Variants in ELMO1 observed in about 807,000 individuals in gnomAD.
ELMO1 encodes engulfment and cell motility 1.
ELMO1 carries 26 observed loss-of-function variants against 98.9 expected under a neutral mutation model. The observed-to-expected ratio is 0.26, with a 90% CI of 0.19 to 0.36. The LOEUF is 0.36. Among genes scored for constraint, ELMO1 ranks in the 10% least tolerant of loss-of-function variants. ELMO1 has a pLI of 1.00. For synonymous variants in ELMO1, 346 were observed against 346.0 expected (o/e 1.00, Z 0.00); for missense variants, 627 against 935.2 (o/e 0.67, Z 4.30).
In ELMO1 at chr7:37,127,116, C is replaced by T. The variant is rs148385204; in HGVS notation, c.1191+6014G>A. Among the ~76,000 whole-genome samples the T allele has an allele frequency of 1.6e-3, 238 of 152,308 alleles. 3 individuals carry two copies. Among genetic ancestry groups the T allele is most frequent in the African/African-American group, 5.4e-3 (225 of 41,580 alleles). On this transcript the variant is annotated intron_variant, in intron 14 of 21. Transcript: ENST00000310758. ...GGTTCTGAACATCTGAATACTTCTG[C>T]ATGTTACTTCTCCTATCACTACTCT...
At chr7:37,422,697 T>A (rs1218229463) in intron 1 of ELMO1, among the ~76,000 whole-genome samples, 1 of 152,258 alleles carries the variant, frequency 6.6e-6, no homozygotes, top group East Asian at 1.9e-4. Flanking sequence ...ATTTACTGAT[T>A]GTGTAAACTC....
chr7:37,294,115 A>C (rs917510000), intron 4 of ELMO1, among the ~76,000 whole-genome samples: 3 of 128,264 alleles, frequency 2.3e-5, no homozygotes, highest in African/African-American at 2.5e-5. Flanking sequence ...ATCAATACAA[A>C]TCTGGAACTA....
intron 16 of ELMO1, among the ~76,000 whole-genome samples, chr7:36,917,508 C>G (rs1234261162): frequency 1.3e-5 from 2 of 151,800 alleles, no homozygotes; most frequent in African/African-American, 4.8e-5. Flanking sequence ...AAGGAAAAAT[C>G]CAAATGGGTA....
At chr7:37,395,902 C>T (rs1422414567) in intron 1 of ELMO1, among the ~76,000 whole-genome samples, 1 of 152,120 alleles carries the variant, frequency 6.6e-6, no homozygotes, top group Non-Finnish European at 1.5e-5. Context: ...TTTTGATTAA[C>T]AGTGAGAAAA....
chr7:37,246,568 T>C (rs922278421), intron 6 of ELMO1, among the ~76,000 whole-genome samples: 1 of 152,158 alleles, frequency 6.6e-6, no homozygotes. Context: ...ACATACAATA[T>C]GGGTCTTCAT....
chr7:37,071,165 T>A (rs1039750626), intron 15 of ELMO1, among the ~76,000 whole-genome samples: 2 of 152,152 alleles, frequency 1.3e-5, no homozygotes, highest in African/African-American at 4.8e-5. Context: ...TATCCCTCGA[T>A]GACTCTGACT....
chr7:37,116,519 A>G (rs1347600782), intron 14 of ELMO1, among the ~76,000 whole-genome samples: 1 of 152,196 alleles, frequency 6.6e-6, no homozygotes, highest in African/African-American at 2.4e-5. Context: ...GGGAGTCAGG[A>G]ACATGTGATC....
At chr7:37,244,539 C>G in intron 6 of ELMO1, 148 bp from the exon 7 acceptor site, 1 of 759,516 alleles carries the variant, frequency 1.3e-6, no homozygotes, top group East Asian at 2.5e-5. Context: ...TTCAAGACAT[C>G]ATTCAAAGTA....
intron 15 of ELMO1, among the ~76,000 whole-genome samples, chr7:37,056,628 C>T (rs1308052048): frequency 6.6e-6 from 1 of 152,214 alleles, no homozygotes; most frequent in African/African-American, 2.4e-5. Flanking sequence ...CTGAAAGGCA[C>T]CAAGGGCAGG....
At chr7:37,200,876 A>G (rs1268122728) in intron 13 of ELMO1, among the ~76,000 whole-genome samples, 1 of 151,844 alleles carries the variant, frequency 6.6e-6, no homozygotes, top group African/African-American at 2.4e-5. Flanking sequence ...GCTGGAGCCC[A>G]GGAGGCAGTT....
intron 13 of ELMO1, among the ~76,000 whole-genome samples, chr7:37,144,348 C>A (rs1215682075): frequency 6.6e-6 from 1 of 151,926 alleles, no homozygotes; most frequent in East Asian, 1.9e-4. Flanking sequence ...ATTTTAATAA[C>A]AAGAAAAGGA....
At chr7:37,317,359 T>C (rs552398656) in intron 2 of ELMO1, among the ~76,000 whole-genome samples, 73 of 152,280 alleles carry the variant, frequency 4.8e-4, no homozygotes, top group African/African-American at 1.7e-3. Flanking sequence ...CGCCTACAAC[T>C]ATAAACACAC....
chr7:36,862,335 C>T (rs1044015679), intron 20 of ELMO1, among the ~76,000 whole-genome samples: 1 of 152,238 alleles, frequency 6.6e-6, no homozygotes, highest in Non-Finnish European at 1.5e-5. Context: ...AAAGGCTACA[C>T]AAAGCTTAGG....
chr7:37,272,680 G>GAAAAAAAAAAA (rs35128089), intron 4 of ELMO1, among the ~76,000 whole-genome samples: 1 of 112,700 alleles, frequency 8.9e-6, no homozygotes, highest in Non-Finnish European at 2.0e-5. Context: ...CGTCTTAAAG[G>GAAAAAAAAAAA]AAAAAAAAAA....
intron 2 of ELMO1, among the ~76,000 whole-genome samples, chr7:37,320,311 G>A (rs536445977): frequency 1.7e-4 from 25 of 151,434 alleles, no homozygotes; most frequent in Non-Finnish European, 3.2e-4. Context: ...CAGTCACTTA[G>A]CTTGTCAGCC....
chr7:37,109,813 G>A (rs920991664), intron 14 of ELMO1, among the ~76,000 whole-genome samples: 5 of 152,290 alleles, frequency 3.3e-5, no homozygotes, highest in Non-Finnish European at 7.3e-5. Context: ...ACTCTTGGAC[G>A]CTTTCAGGTG....
intron 1 of ELMO1, among the ~76,000 whole-genome samples, chr7:37,402,678 T>C (rs1243197754): frequency 6.6e-6 from 1 of 152,178 alleles, no homozygotes; most frequent in Non-Finnish European, 1.5e-5. Context: ...AGTAAACAAT[T>C]AATATCCTTA....
In ELMO1 at chr7:37,169,458, G is replaced by C. The variant is rs556424820; in HGVS notation, c.1087-36224C>G. 8.9e-4 allele frequency among the ~76,000 whole-genome samples: 135 copies of C among 152,262 alleles called. 1 individual carries two copies. The highest frequency in any genetic ancestry group is 2.9e-3 in the African/African-American group (122 of 41,550). On this transcript the variant is annotated intron_variant, in intron 13 of 21. Coordinates refer to ENST00000310758, the MANE Select transcript of ELMO1 (RefSeq NM_014800.11). ...CGCTCACGCTGGGAGCTGTAGACCAGAGCTGTTCCTATTCGGCCATCTTGG... is the reference window on the plus strand; with the variant it reads ...CGCTCACGCTGGGAGCTGTAGACCACAGCTGTTCCTATTCGGCCATCTTGG...
At chr7:37,115,050 G>A (rs1295097033) in intron 14 of ELMO1, among the ~76,000 whole-genome samples, 1 of 152,046 alleles carries the variant, frequency 6.6e-6, no homozygotes, top group Non-Finnish European at 1.5e-5. Context: ...ACCCACACAA[G>A]AAGAAATAGA....
Sources: gnomAD v4.1 joint callset for allele counts (sites outside exome capture counted in the v4.1 genomes callset) on GRCh38, gnomAD v4.1.1 for gene constraint, MANE v1.5 for transcripts, NCBI Gene and HGNC (gene_info 2026-07-23, HGNC 2026-07-21) for gene names.